The following ZFR2 variants were observed in gnomAD, a reference collection of about 807,000 sequenced individuals.
The protein encoded by ZFR2 is zinc finger RNA binding protein 2.
Under a neutral mutation model 105.7 loss-of-function variants are expected in ZFR2, and 104 were observed. The ratio of observed to expected loss-of-function variants is 0.98; its 90% CI spans 0.84 to 1.16. The LOEUF is 1.16. Ranked by LOEUF, ZFR2 falls within the 50% of genes most tolerant of loss-of-function variation. ZFR2 has a pLI of 0.00. For synonymous variants in ZFR2, 634 were observed against 597.7 expected (o/e 1.06, Z -0.89); for missense variants, 1,425 against 1,355.5 (o/e 1.05, Z -0.80).
chr19:3,847,488 C>T (rs992304716), intron 1 of ZFR2, among the ~76,000 whole-genome samples: 2 of 152,046 alleles, frequency 1.3e-5, no homozygotes, highest in Non-Finnish European at 2.9e-5. Flanking sequence ...TGCACTACTG[C>T]ACTCCAGCCT....
Position 3,805,994 on chromosome 19 carries a change from T to C in ZFR2, c.2775A>G (p.Ala925=). ...CCCGCCGGCCCCGCTTCTTCTCCCC[T>C]GCGCCCTCCTCTCCCTCGCCAGGTC... The part of the protein sequence containing the change: ...QRGPGEGEEG[A]GEKKRGRRGG... Residue 925 remains alanine, a synonymous_variant, in exon 19 of 19, where the codon GCA becomes GCG. Coordinates refer to ENST00000262961, the MANE Select transcript of ZFR2 (RefSeq NM_015174.2). 1.3e-6 allele frequency: 2 copies of C among 1,545,518 alleles called. No homozygotes were observed. The highest frequency in any genetic ancestry group is 1.7e-6 in the Non-Finnish European group (2 of 1,147,600).
chr19:3,847,055 TG>T (rs2038191736), intron 1 of ZFR2, among the ~76,000 whole-genome samples: 1 of 152,200 alleles, frequency 6.6e-6, no homozygotes, highest in Admixed American at 6.5e-5. Context: ...TGGTGCTGAC[TG>T]TTGGTGGCAG....
At chr19:3,850,572 A>C (rs545497591) in intron 1 of ZFR2, among the ~76,000 whole-genome samples, 83 of 151,982 alleles carry the variant, frequency 5.5e-4, no homozygotes, top group Non-Finnish European at 1.0e-4. Context: ...ATCTGAGCAG[A>C]ACTGGGGTCC....
intron 4 of ZFR2, 35 bp downstream of exon 4, chr19:3,831,625 G>A (rs189439027): frequency 1.9e-4 from 292 of 1,521,458 alleles, no homozygotes; most frequent in African/African-American, 1.8e-3. Context: ...GGGGACCGAC[G>A]GGCAGACCAC....
intron 13 of ZFR2, among the ~76,000 whole-genome samples, chr19:3,815,422 G>A (rs1410777844): frequency 1.3e-5 from 2 of 152,144 alleles, no homozygotes; most frequent in Non-Finnish European, 2.9e-5. Context: ...GATGATCAAT[G>A]TAAATTCTTC....
chr19:3,824,604 G>A (rs1393671180), intron 7 of ZFR2, among the ~76,000 whole-genome samples: 2 of 152,142 alleles, frequency 1.3e-5, no homozygotes, highest in African/African-American at 4.8e-5. Flanking sequence ...GCAGGGTGAG[G>A]GCTTCCAGAG....
rs533738217 is a variant in ZFR2 at position 3,821,350 on chromosome 19, C to G, written c.1621G>C (p.Ala541Pro). The change falls in exon 10 of 19, where the codon GCG becomes CCG. Residue 541 changes from alanine (A) to proline (P), a missense_variant. Coordinates refer to ENST00000262961, the MANE Select transcript of ZFR2 (RefSeq NM_015174.2). ...CCCGCAGCCGGGCACCTCCTCTCCGCGTGCCAGCGCCGCAGCTGCTCCAGC... is the reference window on the plus strand; with the variant it reads ...CCCGCAGCCGGGCACCTCCTCTCCGGGTGCCAGCGCCGCAGCTGCTCCAGC... The part of the protein sequence containing the change: ...ERLEQLRRWH[A>P]ERRRLEEEPP... The G allele has an allele frequency of 1.9e-6, 3 of 1,597,592 alleles. No individual in the cohort carries two copies. The highest frequency in any genetic ancestry group is 2.6e-6 in the Non-Finnish European group (3 of 1,174,026).
chr19:3,840,306 C>T (rs1023770992), intron 1 of ZFR2, among the ~76,000 whole-genome samples: 4 of 142,398 alleles, frequency 2.8e-5, no homozygotes, highest in Non-Finnish European at 1.5e-5. Flanking sequence ...GGTGTGATCT[C>T]GGCTCACAGC....
At chr19:3,832,628 G>GTTTTTGT (rs1568425468) in intron 3 of ZFR2, among the ~76,000 whole-genome samples, 18 of 143,484 alleles carry the variant, frequency 1.3e-4, no homozygotes, top group South Asian at 2.2e-4. Flanking sequence ...CCTTTATTTT[G>GTTTTTGT]TTTTTTTTTT....
At chr19:3,808,532 C>A (rs558075329) in intron 17 of ZFR2, among the ~76,000 whole-genome samples, 4 of 152,374 alleles carry the variant, frequency 2.6e-5, no homozygotes, top group South Asian at 2.1e-4. Context: ...AGGACAGGCA[C>A]CGGGGTGGAT....
chr19:3,825,311 A>G lies in ZFR2; in HGVS notation c.1132T>C (p.Ser378Pro). ...SPPGAEAKPT[S>P]PTGPSVCASS... is the part of the protein sequence containing the mutation. Reference sequence around the variant, plus strand: ...GCACACACGCTGGGGCCAGTGGGGGACGTGGGCTTGGCCTCTGCCCCGGGG... The same window carrying G: ...GCACACACGCTGGGGCCAGTGGGGGGCGTGGGCTTGGCCTCTGCCCCGGGG... The change falls in exon 7 of 19, where the codon TCC becomes CCC. Residue 378 changes from serine to proline, a missense_variant. Ser to Pro is a moderately conservative substitution (Grantham distance 74, BLOSUM62 -1). Transcript: ENST00000262961. 1 of 1,581,368 alleles carries G rather than the reference A, an allele frequency of 6.3e-7. No individual in the cohort carries two copies.
chr19:3,816,561 CT>C (rs1318171465), intron 13 of ZFR2, 112 bp downstream of exon 13: 100 of 1,430,018 alleles, frequency 7.0e-5, no homozygotes, highest in Admixed American at 1.9e-4. Context: ...CTTCTTGTAC[CT>C]TAAAGTTGTG....
Position 3,816,668 on chromosome 19 carries a change from C to A in ZFR2, c.2103+6G>T, listed in dbSNP as rs2037827372. ...GAAGCAGCGATGAGCAGGGCCCTGA[C>A]CTTACCTGGAGCTGCCGGGGCAGCT... On this transcript the variant is annotated splice_donor_region_variant and intron_variant, in intron 13 of 18. Coordinates refer to ENST00000262961, the MANE Select transcript of ZFR2 (RefSeq NM_015174.2). 5.6e-6 allele frequency: 9 copies of A among 1,605,898 alleles called. No individual in the cohort carries two copies. The highest frequency in any genetic ancestry group is 7.7e-6 in the Non-Finnish European group (9 of 1,175,558).
chr19:3,846,076 A>C (rs1446105229), intron 1 of ZFR2, among the ~76,000 whole-genome samples: 1 of 152,244 alleles, frequency 6.6e-6, no homozygotes, highest in Non-Finnish European at 1.5e-5. Flanking sequence ...CCCCAGGTTC[A>C]AGTGATTCTC....
In ZFR2 at chr19:3,823,503, A is replaced by C; in HGVS notation, c.1214-100T>G. ...TGGGGTGGAGAGCCACCCAGACTGC[A>C]GGCTGTGCCATCCCCCTCCCTCCTG... On this transcript the variant is annotated intron_variant, in intron 7 of 18. Transcript: ENST00000262961. The surrounding 1 kb of genome is among the most constrained non-coding windows in gnomAD (Gnocchi z 5.4). The C allele has an allele frequency of 8.1e-7, 1 of 1,229,716 alleles. No homozygotes were observed. The highest frequency in any genetic ancestry group is 1.1e-6 in the Non-Finnish European group (1 of 897,744). The allele number at this position is 1,229,716 out of a possible 1,614,324, so 76.2% of individuals were successfully genotyped here. A position where few individuals can be genotyped will look rare whatever the true frequency, so the allele number is the denominator to read the frequency against.
intron 1 of ZFR2, among the ~76,000 whole-genome samples, chr19:3,848,327 G>A (rs367773743): frequency 3.3e-5 from 5 of 149,448 alleles, no homozygotes; most frequent in African/African-American, 1.2e-4. Flanking sequence ...CAGGAGGATC[G>A]CTTGAATGGG....
At position 3,813,923 on chromosome 19, in the gene ZFR2, G is replaced by T. The variant is rs372816779; in HGVS notation, c.2139C>A (p.Asp713Glu). The T allele has an allele frequency of 6.2e-7, 1 of 1,613,966 alleles. No homozygotes were observed. The highest frequency in any genetic ancestry group is 8.5e-7 in the Non-Finnish European group (1 of 1,179,876). The change falls in exon 14 of 19, where the codon GAC becomes GAA. Residue 713 changes from aspartate (D) to glutamate (E), a missense_variant. Asp to Glu is a conservative substitution (Grantham distance 45, BLOSUM62 2). Coordinates refer to ENST00000262961, the MANE Select transcript of ZFR2 (RefSeq NM_015174.2). The surrounding 1 kb of genome is among the most constrained non-coding windows in gnomAD (Gnocchi z 4.4). ...AGGAGATGACAATGTTGGCTTCAGG[G>T]TCGGAGGAGACCTCATACTCATCCT... Reference protein sequence around the residue: ...VTEDEYEVSSDPEANIVISSC... With the variant: ...VTEDEYEVSSEPEANIVISSC...
chr19:3,831,479 G>C lies in ZFR2; in HGVS notation c.676C>G (p.Pro226Ala). The change falls in exon 5 of 19, where the codon CCC (proline) becomes GCC (alanine). Residue 226 changes from proline to alanine, a missense_variant. Physicochemically the swap from Pro to Ala is conservative, Grantham distance 27. Coordinates refer to ENST00000262961, the MANE Select transcript of ZFR2 (RefSeq NM_015174.2). The stretch of plus-strand genomic sequence containing the variant: ...GGCAGCTGCTGCGGGGGTCCCGGGG[G>C]AGGCGGGGGCTGCGCTGGAGGATAG... ...PFYPPAQPPP[P>A]PGPPQQLPPP... 1.2e-5 allele frequency: 18 copies of C among 1,550,032 alleles called. No homozygotes were observed. The highest frequency in any genetic ancestry group is 1.6e-5 in the Non-Finnish European group (18 of 1,147,240).
intron 13 of ZFR2, among the ~76,000 whole-genome samples, chr19:3,816,243 CTTTTTTTT>C (rs58609703): frequency 8.7e-6 from 1 of 115,092 alleles, no homozygotes; most frequent in African/African-American, 3.4e-5. Flanking sequence ...CTTCTTGTAT[CTTTTTTTT>C]TTTTTTTTTT....
Sources: gnomAD v4.1 joint callset for allele counts (sites outside exome capture counted in the v4.1 genomes callset) on GRCh38, gnomAD v4.1.1 for gene constraint, Gnocchi (gnomAD v3.1) non-coding constraint, MANE v1.5 for transcripts, NCBI Gene and HGNC (gene_info 2026-07-23, HGNC 2026-07-21) for gene names.